The following SHANK2 variants were observed in gnomAD, a reference collection of about 807,000 sequenced individuals.
The protein encoded by SHANK2 is SH3 and multiple ankyrin repeat domains protein 2.
In SHANK2, 43 loss-of-function variants were observed where a neutral mutation model predicts 133.7. The ratio of observed to expected loss-of-function variants is 0.32; its 90% CI spans 0.25 to 0.41. SHANK2 has a LOEUF of 0.41. Ranked by LOEUF, SHANK2 falls within the 10% of genes least tolerant of loss-of-function variation. SHANK2 has a pLI of 1.00. For missense variants in SHANK2, 1,994 were observed against 2,235.8 expected, an observed-to-expected ratio of 0.89 and a Z score of 2.18; for synonymous variants, 1,017 against 952.8, an observed-to-expected ratio of 1.07 and a Z score of -1.24.
intron 15 of SHANK2, chr11:70,661,904 G>A (rs979802906): frequency 2.0e-5 from 25 of 1,240,182 alleles, no homozygotes; most frequent in Admixed American, 1.4e-4. Flanking sequence ...TGCAGGGTGG[G>A]GGCAGGCAGA....
At chr11:70,765,121 T>A (rs555808674) in intron 14 of SHANK2, among the ~76,000 whole-genome samples, 18 of 151,770 alleles carry the variant, frequency 1.2e-4, no homozygotes, top group Non-Finnish European at 2.6e-4. Flanking sequence ...GAAGAGGGAG[T>A]TGGGCCTGCC....
intron 25 of SHANK2, among the ~76,000 whole-genome samples, chr11:70,477,117 C>T (rs1472735441): frequency 1.3e-5 from 2 of 152,146 alleles, no homozygotes; most frequent in Non-Finnish European, 2.9e-5. Flanking sequence ...GTGGCACACA[C>T]GGGGTCACGC....
At chr11:71,129,456 T>C (rs781983670) in intron 3 of SHANK2, among the ~76,000 whole-genome samples, 1 of 152,054 alleles carries the variant, frequency 6.6e-6, no homozygotes, top group Non-Finnish European at 1.5e-5. Context: ...CGAGGCAACA[T>C]AGGGAAACCG....
chr11:71,215,713 T>C (rs951256447), intron 2 of SHANK2, among the ~76,000 whole-genome samples: 2 of 152,174 alleles, frequency 1.3e-5, no homozygotes, highest in Non-Finnish European at 2.9e-5. Flanking sequence ...CTGCACACAC[T>C]GCAGGCGTGC....
chr11:71,239,846 T>A (rs1001341785), intron 1 of SHANK2, among the ~76,000 whole-genome samples: 1 of 152,206 alleles, frequency 6.6e-6, no homozygotes, highest in Non-Finnish European at 1.5e-5. Context: ...TCAGAGGCAT[T>A]TCCTTTCGTT....
chr11:70,885,773 C>T (rs782568714), intron 11 of SHANK2, among the ~76,000 whole-genome samples: 16 of 152,136 alleles, frequency 1.1e-4, no homozygotes, highest in Non-Finnish European at 1.5e-4. Context: ...GATCCTCCAG[C>T]GGACACTCCC....
At chr11:70,863,707 C>T (rs907042939) in intron 11 of SHANK2, 1 of 426,802 alleles carries the variant, frequency 2.3e-6, no homozygotes, top group Non-Finnish European at 4.7e-6. Flanking sequence ...CCCGTTTCGG[C>T]CTCTTTATTT....
At chr11:71,058,927 C>T (rs1265381712) in intron 9 of SHANK2, among the ~76,000 whole-genome samples, 2 of 152,240 alleles carry the variant, frequency 1.3e-5, no homozygotes, top group Admixed American at 6.5e-5. Flanking sequence ...TGAAAGAGAG[C>T]TGATTGGTTG....
chr11:70,727,218 G>A (rs1946196308), intron 14 of SHANK2, among the ~76,000 whole-genome samples: 1 of 152,276 alleles, frequency 6.6e-6, no homozygotes, highest in African/African-American at 2.4e-5. Context: ...AGTTGTGAGA[G>A]TCACATGGGA....
chr11:70,546,831 T>G (rs1318193965), intron 17 of SHANK2, among the ~76,000 whole-genome samples: 3 of 152,224 alleles, frequency 2.0e-5, no homozygotes, highest in Admixed American at 6.5e-5. Flanking sequence ...CTGCAGAACC[T>G]TCTGGGGGGC....
intron 2 of SHANK2, among the ~76,000 whole-genome samples, chr11:71,220,938 C>A (rs911983129): frequency 1.3e-5 from 2 of 152,184 alleles, no homozygotes; most frequent in African/African-American, 4.8e-5. Context: ...CGGTGGCTCA[C>A]GCCTATAATC....
chr11:70,919,659 G>C lies in SHANK2; in HGVS notation c.1108-23092C>G, dbSNP rs919949168. Among the ~76,000 whole-genome samples, 93 of 152,200 alleles carry C rather than the reference G, an allele frequency of 6.1e-4. 1 individual carries two copies. The highest frequency in any genetic ancestry group is 8.4e-4 in the Non-Finnish European group (57 of 68,036). On this transcript the variant is annotated intron_variant, in intron 10 of 25. Transcript: ENST00000601538. Reference sequence around the variant, plus strand: ...GACCTCCCAAGGTGCTGGGATCACAGGCATGAGCCACAGTGCCCAGCTGAT... The same window carrying C: ...GACCTCCCAAGGTGCTGGGATCACACGCATGAGCCACAGTGCCCAGCTGAT...
In SHANK2 at chr11:70,501,173, G is replaced by A. The variant is rs370676539; in HGVS notation, c.2288-583C>T. Among the ~76,000 whole-genome samples the A allele has an allele frequency of 9.2e-5, 14 of 152,336 alleles. No homozygotes were observed. In the East Asian group the frequency reaches 1.4e-3, roughly 15 times the overall value. ...GGGTGGGTGGGGCAGCGCCACTGCA[G>A]GGCTGCTGTTTTGGACTGAGGCCTC... On this transcript the variant is annotated intron_variant, in intron 20 of 25. Transcript: ENST00000601538.
chr11:71,107,458 A>C (rs995228845), intron 6 of SHANK2, among the ~76,000 whole-genome samples: 2 of 152,170 alleles, frequency 1.3e-5, no homozygotes, highest in Admixed American at 1.3e-4. Flanking sequence ...GTGATCAGTA[A>C]ACCAGCCCAG....
At chr11:71,085,896 AT>A (rs1490936192) in intron 8 of SHANK2, among the ~76,000 whole-genome samples, 32,165 of 33,006 alleles carry the variant, frequency 0.97, 15,664 homozygotes, top group Middle Eastern at 1. Flanking sequence ...CTTAATATAT[AT>A]ATTAATTATA....
intron 14 of SHANK2, chr11:70,705,300 T>C (rs1165185141): frequency 4.6e-5 from 7 of 152,190 alleles, no homozygotes; most frequent in Non-Finnish European, 8.8e-5. Flanking sequence ...CAGCTTCATA[T>C]AGGGCAAGCT....
chr11:71,146,830 G>C (rs1952658067), intron 3 of SHANK2, among the ~76,000 whole-genome samples: 1 of 152,190 alleles, frequency 6.6e-6, no homozygotes, highest in African/African-American at 2.4e-5. Flanking sequence ...CCACCTCTGG[G>C]ACTCTTGCTT....
At chr11:70,656,182 A>C (rs375590311) in intron 17 of SHANK2, among the ~76,000 whole-genome samples, 2 of 152,296 alleles carry the variant, frequency 1.3e-5, no homozygotes, top group East Asian at 3.9e-4. Context: ...GGGCCATCTC[A>C]AAGAGACAGC....
chr11:70,557,897 G>A (rs1020174051), intron 17 of SHANK2, among the ~76,000 whole-genome samples: 4 of 152,186 alleles, frequency 2.6e-5, no homozygotes, highest in South Asian at 2.1e-4. Flanking sequence ...GTGCCGAGCC[G>A]GGGCTGAGTC....
Sources: allele counts gnomAD v4.1 joint callset (sites outside exome capture counted in the v4.1 genomes callset), GRCh38; gene constraint gnomAD v4.1.1; transcripts MANE v1.5; gene names NCBI Gene and HGNC (gene_info 2026-07-23, HGNC 2026-07-21).